SPMIP2: variants seen among roughly 807,000 people sequenced by gnomAD.
SPMIP2 encodes the protein sperm microtubule inner protein 2.
the SPMIP2 span, chr4:158,895,718 A>T: frequency 7.4e-7 from 1 of 1,356,272 alleles, no homozygotes; most frequent in African/African-American, 1.4e-5. Context: ...TTTGACTTCT[A>T]GCCCTCATTG....
the SPMIP2 span, among the ~76,000 whole-genome samples, chr4:158,987,665 C>A: frequency 1.3e-5 from 2 of 151,904 alleles, no homozygotes; most frequent in African/African-American, 2.4e-5. Context: ...GCATTAGGAG[C>A]TATACCTAAT....
At chr4:158,918,154 C>A in the SPMIP2 span, among the ~76,000 whole-genome samples, 1 of 152,176 alleles carries the variant, frequency 6.6e-6, no homozygotes. Flanking sequence ...CATTACCCTG[C>A]CTGACACGTA....
the SPMIP2 span, among the ~76,000 whole-genome samples, chr4:158,947,834 T>A: frequency 6.6e-6 from 1 of 152,170 alleles, no homozygotes; most frequent in East Asian, 1.9e-4. Flanking sequence ...AATTTTTTCA[T>A]CATTATTTAA....
At chr4:159,021,387 C>T in the SPMIP2 span, among the ~76,000 whole-genome samples, 2 of 152,124 alleles carry the variant, frequency 1.3e-5, no homozygotes, top group Non-Finnish European at 2.9e-5. Flanking sequence ...TTCAGTGTCC[C>T]GCATTGATTT....
the SPMIP2 span, among the ~76,000 whole-genome samples, chr4:159,028,325 T>A: frequency 4.6e-5 from 7 of 152,324 alleles, no homozygotes; most frequent in South Asian, 6.2e-4. Flanking sequence ...AGAAATGTAA[T>A]TTTTAAGTAT....
At chr4:158,953,217 T>G in the SPMIP2 span, among the ~76,000 whole-genome samples, 2 of 152,118 alleles carry the variant, frequency 1.3e-5, no homozygotes, top group Non-Finnish European at 2.9e-5. Flanking sequence ...GAAAATGGTT[T>G]AATGGGCTGG....
chr4:158,956,123 TA>T, the SPMIP2 span, among the ~76,000 whole-genome samples: 1 of 152,372 alleles, frequency 6.6e-6, no homozygotes, highest in South Asian at 2.1e-4. Flanking sequence ...AATTGACCTC[TA>T]AGGCTCCTTT....
chr4:158,926,918 A>G, the SPMIP2 span, among the ~76,000 whole-genome samples: 1 of 152,230 alleles, frequency 6.6e-6, no homozygotes, highest in Non-Finnish European at 1.5e-5. Flanking sequence ...CCATTTGGTA[A>G]TGAGTACACT....
chr4:159,041,270 G>A, the SPMIP2 span, among the ~76,000 whole-genome samples: 1 of 152,180 alleles, frequency 6.6e-6, no homozygotes, highest in Non-Finnish European at 1.5e-5. Context: ...AATTGGGGAT[G>A]ATGCAACACT....
the SPMIP2 span, among the ~76,000 whole-genome samples, chr4:158,977,282 G>T: frequency 6.6e-6 from 1 of 152,108 alleles, no homozygotes; most frequent in Non-Finnish European, 1.5e-5. Context: ...ACTTGTTATT[G>T]GTCTGTTCAG....
chr4:159,076,893 T>C, the SPMIP2 span, among the ~76,000 whole-genome samples: 1 of 151,816 alleles, frequency 6.6e-6, no homozygotes, highest in Non-Finnish European at 1.5e-5. Context: ...TGGAGTGTAA[T>C]GGTGCCGTCT....
chr4:158,937,149 G>A, the SPMIP2 span, among the ~76,000 whole-genome samples: 1 of 152,174 alleles, frequency 6.6e-6, no homozygotes, highest in Non-Finnish European at 1.5e-5. Flanking sequence ...AATCATTCAT[G>A]ATAATGTTGT....
the SPMIP2 span, among the ~76,000 whole-genome samples, chr4:158,917,640 G>A: frequency 2.0e-5 from 3 of 151,264 alleles, no homozygotes; most frequent in South Asian, 4.2e-4. Flanking sequence ...ACTAAGTTGG[G>A]GCTTTAAACA....
chr4:159,008,614 C>A, the SPMIP2 span, among the ~76,000 whole-genome samples: 1 of 152,022 alleles, frequency 6.6e-6, no homozygotes, highest in South Asian at 2.1e-4. Context: ...ATTATGACAG[C>A]GCCCATTTTA....
At chr4:158,951,980 G>C in the SPMIP2 span, among the ~76,000 whole-genome samples, 2 of 152,140 alleles carry the variant, frequency 1.3e-5, no homozygotes, top group African/African-American at 4.8e-5. Flanking sequence ...AAAATGACAG[G>C]GAAATCCAGA....
the SPMIP2 span, among the ~76,000 whole-genome samples, chr4:159,062,534 C>T: frequency 5.3e-5 from 8 of 152,180 alleles, no homozygotes; most frequent in Admixed American, 4.6e-4. Flanking sequence ...ATTCCATTCA[C>T]TCTTTCTTTT....
the SPMIP2 span, among the ~76,000 whole-genome samples, chr4:159,000,352 A>G: frequency 6.6e-6 from 1 of 152,116 alleles, no homozygotes; most frequent in Non-Finnish European, 1.5e-5. Flanking sequence ...AAGATCAAGA[A>G]CTTATCTGTC....
At chr4:158,909,995 T>C in the SPMIP2 span, among the ~76,000 whole-genome samples, 3 of 152,000 alleles carry the variant, frequency 2.0e-5, no homozygotes, top group Admixed American at 1.3e-4. Flanking sequence ...TGAGCTGAGA[T>C]TGTGCCACTG....
At chr4:158,932,504 A>C in the SPMIP2 span, among the ~76,000 whole-genome samples, 1 of 152,190 alleles carries the variant, frequency 6.6e-6, no homozygotes, top group Non-Finnish European at 1.5e-5. Context: ...AGAATAAATA[A>C]AAATATAGTT....
Sources: allele counts gnomAD v4.1 joint callset (sites outside exome capture counted in the v4.1 genomes callset), GRCh38; gene constraint gnomAD v4.1.1; transcripts MANE v1.5; gene names NCBI Gene and HGNC (gene_info 2026-07-23, HGNC 2026-07-21).